Variants in NTNG1 observed in about 807,000 individuals in gnomAD.
The protein encoded by NTNG1 is netrin G1.
NTNG1 carries 16 observed loss-of-function variants against 54.0 expected under a neutral mutation model. That is an observed-to-expected ratio of 0.30 (90% confidence interval 0.20 to 0.45). The LOEUF (loss-of-function observed/expected upper bound fraction) is 0.45, where lower values mean the gene tolerates loss of function less well. Ranked by LOEUF, NTNG1 falls within the 20% of genes least tolerant of loss-of-function variation. The probability of loss-of-function intolerance (pLI) is 1.00; values close to 1 mark genes in which losing one functional copy is unlikely to be tolerated. For missense variants in NTNG1, 530 were observed against 678.7 expected, an observed-to-expected ratio of 0.78 and a Z score of 2.43; for synonymous variants, 255 against 263.1, an observed-to-expected ratio of 0.97 and a Z score of 0.30.
chr1:107,358,662 C>G (rs1236337117), intron 3 of NTNG1, among the ~76,000 whole-genome samples: 1 of 146,884 alleles, frequency 6.8e-6, no homozygotes, highest in Non-Finnish European at 1.5e-5. Flanking sequence ...CAAATCATTC[C>G]AGGAAAAAAA....
intron 5 of NTNG1, among the ~76,000 whole-genome samples, chr1:107,416,455 A>G (rs1674211055): frequency 2.0e-5 from 3 of 152,086 alleles, no homozygotes; most frequent in South Asian, 4.1e-4. Context: ...TGATAAGTCC[A>G]TACAGTTCAA....
intron 7 of NTNG1, among the ~76,000 whole-genome samples, chr1:107,477,103 A>T (rs1440958263): frequency 6.6e-6 from 1 of 152,212 alleles, no homozygotes; most frequent in Non-Finnish European, 1.5e-5. Context: ...GTTATCAGAA[A>T]GTAAAAGTTT....
At chr1:107,479,635 T>G (rs11185121) in intron 7 of NTNG1, among the ~76,000 whole-genome samples, 34,968 of 152,176 alleles carry the variant, frequency 0.23, 4,809 homozygotes, top group South Asian at 0.33. Flanking sequence ...GTTGTTGTTT[T>G]AATTTCCCTG....
At chr1:107,379,278 A>G (rs1403762761) in intron 3 of NTNG1, among the ~76,000 whole-genome samples, 4 of 152,182 alleles carry the variant, frequency 2.6e-5, no homozygotes, top group Non-Finnish European at 5.9e-5. Context: ...TTTAAAAAGC[A>G]CATGTCGCTT....
At chr1:107,395,397 C>T (rs1318407695) in intron 4 of NTNG1, 71 bp downstream of exon 4, 8 of 1,385,190 alleles carry the variant, frequency 5.8e-6, no homozygotes, top group Middle Eastern at 1.8e-4. Flanking sequence ...ATTTTGCTTA[C>T]AATTGTGATT....
At chr1:107,150,540 C>A (rs1654485846) in intron 2 of NTNG1, among the ~76,000 whole-genome samples, 1 of 152,140 alleles carries the variant, frequency 6.6e-6, no homozygotes, top group South Asian at 2.1e-4. Flanking sequence ...ACACTTGTAA[C>A]AACATGTCCC....
chr1:107,333,697 A>G (rs1339374340), intron 3 of NTNG1, among the ~76,000 whole-genome samples: 1 of 151,856 alleles, frequency 6.6e-6, no homozygotes, highest in Non-Finnish European at 1.5e-5. Flanking sequence ...TGCAGTGCTA[A>G]AAACAGATTG....
At chr1:107,186,488 G>C (rs1197369200) in intron 2 of NTNG1, among the ~76,000 whole-genome samples, 1 of 152,142 alleles carries the variant, frequency 6.6e-6, no homozygotes, top group Non-Finnish European at 1.5e-5. Context: ...GGCTCTGCAT[G>C]ATCCCTCCGA....
chr1:107,409,983 T>G (rs2218404), intron 5 of NTNG1: 142,324 of 152,138 alleles, frequency 0.94, 67,099 homozygotes, highest in Non-Finnish European at 0.99. Context: ...CGACACTGCC[T>G]GTTCCAGAGG....
chr1:107,155,947 A>G lies in NTNG1; in HGVS notation c.246+7108A>G, dbSNP rs149533910. On this transcript the variant is annotated intron_variant, in intron 2 of 7. Transcript: ENST00000370068. The stretch of plus-strand genomic sequence containing the variant: ...GTTATAGTTTCCTATAGTATTCAGT[A>G]TAGTGACATGCTATACAGGCTTGTA... Among the ~76,000 whole-genome samples, 3 of 152,328 alleles carry G rather than the reference A, an allele frequency of 2.0e-5. No individual in the cohort carries two copies. The East Asian group carries it at 5.8e-4, about 29-fold the overall frequency.
chr1:107,307,393 TG>T lies in NTNG1; in HGVS notation c.247-16888del, dbSNP rs558863657. On this transcript the variant is annotated intron_variant, in intron 2 of 7. Transcript: ENST00000370068. ...AGAATAGCAATGATAGTGATGATGATGATGATGCTAGTAATTTCTGACTTGT... is the reference window on the plus strand; with the variant it reads ...AGAATAGCAATGATAGTGATGATGATATGATGCTAGTAATTTCTGACTTGT... Among the ~76,000 whole-genome samples the T allele has an allele frequency of 1.5e-4, 23 of 152,314 alleles. No homozygotes were observed. The East Asian group carries it at 3.7e-3, about 24-fold the overall frequency.
At chr1:107,281,726 G>A (rs764359005) in intron 2 of NTNG1, among the ~76,000 whole-genome samples, 50 of 151,896 alleles carry the variant, frequency 3.3e-4, no homozygotes, top group Admixed American at 6.6e-4. Flanking sequence ...TTAAAATATG[G>A]TCTATGGGCT....
chr1:107,324,376 C>T lies in NTNG1; in HGVS notation c.341C>T (p.Pro114Leu), dbSNP rs1667826153. 3 of 1,613,654 alleles carry T rather than the reference C, an allele frequency of 1.9e-6. No individual in the cohort carries two copies. The highest frequency in any genetic ancestry group is 1.6e-4 in the Middle Eastern group (1 of 6,080). The change falls in exon 3 of 8, where the codon CCC becomes CTC. Residue 114 changes from proline to leucine, a missense_variant. Transcript: ENST00000370068. ...ELMFDFEGRHPSTFWQSATWK... is the reference protein window; with the variant it reads ...ELMFDFEGRHLSTFWQSATWK... ...ATGTTTGATTTTGAAGGAAGACATC[C>T]CTCCACATTTTGGCAGTCTGCCACT...
rs1169286091 is a variant in NTNG1 at position 107,453,281 on chromosome 1, G to A, written c.1390+16482G>A. On this transcript the variant is annotated intron_variant, in intron 7 of 7. Transcript: ENST00000370068. ...CTTATACTTCTTTTTCATCAAGAAG[G>A]CAAAGCACCACCTATTCCTAGCTCC... Among the ~76,000 whole-genome samples, 5 of 152,242 alleles carry A rather than the reference G, an allele frequency of 3.3e-5. 1 individual carries two copies. The highest frequency in any genetic ancestry group is 4.2e-4 in the South Asian group (2 of 4,806).
intron 7 of NTNG1, among the ~76,000 whole-genome samples, chr1:107,479,167 T>C (rs1678530593): frequency 6.6e-6 from 1 of 152,204 alleles, no homozygotes; most frequent in Non-Finnish European, 1.5e-5. Context: ...CAAGGAAATG[T>C]TGAGGAAGGC....
At chr1:107,428,494 C>T (rs574428682) in intron 5 of NTNG1, among the ~76,000 whole-genome samples, 1 of 151,950 alleles carries the variant, frequency 6.6e-6, no homozygotes, top group East Asian at 1.9e-4. Flanking sequence ...GAACAAAGCT[C>T]TATTAATTAA....
At chr1:107,161,067 T>C (rs2101054198) in intron 2 of NTNG1, among the ~76,000 whole-genome samples, 1 of 152,324 alleles carries the variant, frequency 6.6e-6, no homozygotes, top group Non-Finnish European at 1.5e-5. Flanking sequence ...ATTTGCTCAT[T>C]TATTTATATC....
intron 5 of NTNG1, chr1:107,409,201 A>G (rs1673638889): frequency 1.3e-5 from 2 of 152,188 alleles, no homozygotes; most frequent in Non-Finnish European, 1.5e-5. Flanking sequence ...AACTGTATAT[A>G]TACCCCACAA....
At chr1:107,367,469 GA>G (rs1299989407) in intron 3 of NTNG1, among the ~76,000 whole-genome samples, 1 of 152,046 alleles carries the variant, frequency 6.6e-6, no homozygotes, top group African/African-American at 2.4e-5. Context: ...TTGTAACTAA[GA>G]TCAGATTTAC....
Sources: allele counts gnomAD v4.1 joint callset (sites outside exome capture counted in the v4.1 genomes callset), GRCh38; gene constraint gnomAD v4.1.1; transcripts MANE v1.5; gene names NCBI Gene and HGNC (gene_info 2026-07-23, HGNC 2026-07-21).